ZBTB7C: variants seen among roughly 807,000 people sequenced by gnomAD.
ZBTB7C encodes the protein zinc finger and BTB domain containing 7C.
A neutral mutation model predicts 25.7 loss-of-function variants in ZBTB7C; 8 were observed. The observed-to-expected ratio is 0.31, with a 90% CI of 0.18 to 0.56. The LOEUF is 0.56. Among genes scored for constraint, ZBTB7C ranks in the 20% least tolerant of loss-of-function variants. The pLI is 0.91. For synonymous variants in ZBTB7C, 394 were observed against 369.0 expected (o/e 1.07, Z -0.78); for missense variants, 824 against 855.2 (o/e 0.96, Z 0.46).
chr18:48,293,442 T>C (rs771500443), intron 2 of ZBTB7C, among the ~76,000 whole-genome samples: 1 of 152,296 alleles, frequency 6.6e-6, no homozygotes, highest in Non-Finnish European at 1.5e-5. Flanking sequence ...ACATAAACGT[T>C]TAAACATTCA....
At chr18:48,030,273 G>A (rs1173446888) in intron 4 of ZBTB7C, among the ~76,000 whole-genome samples, 4 of 152,184 alleles carry the variant, frequency 2.6e-5, no homozygotes, top group Admixed American at 6.5e-5. Context: ...ATAGTGCAGC[G>A]ACTTCTGCTG....
intron 2 of ZBTB7C, among the ~76,000 whole-genome samples, chr18:48,233,307 C>G (rs1404086451): frequency 1.3e-5 from 2 of 152,134 alleles, no homozygotes; most frequent in African/African-American, 4.8e-5. Flanking sequence ...ATGCCAGCAC[C>G]TTGATATTGG....
chr18:48,272,143 G>A (rs978551515), intron 2 of ZBTB7C, among the ~76,000 whole-genome samples: 35 of 152,224 alleles, frequency 2.3e-4, no homozygotes, highest in African/African-American at 8.2e-4. Context: ...TGTGTCATGT[G>A]TGTCTGTAAG....
At chr18:48,187,627 C>T (rs1243362731) in intron 2 of ZBTB7C, among the ~76,000 whole-genome samples, 1 of 152,046 alleles carries the variant, frequency 6.6e-6, no homozygotes, top group Non-Finnish European at 1.5e-5. Context: ...TCCTGGCTAA[C>T]ACGGTGAAAC....
At chr18:48,325,586 A>C (rs892231570) in intron 2 of ZBTB7C, among the ~76,000 whole-genome samples, 1 of 152,218 alleles carries the variant, frequency 6.6e-6, no homozygotes, top group Non-Finnish European at 1.5e-5. Flanking sequence ...CAAAGCTTTG[A>C]TTTCACATTG....
intron 2 of ZBTB7C, among the ~76,000 whole-genome samples, chr18:48,213,305 C>T (rs985098053): frequency 1.3e-5 from 2 of 152,206 alleles, no homozygotes; most frequent in Non-Finnish European, 2.9e-5. Flanking sequence ...TGTCCGCAAA[C>T]CCTCCAGTGT....
chr18:48,265,373 A>T (rs2044281671), intron 2 of ZBTB7C, among the ~76,000 whole-genome samples: 1 of 152,234 alleles, frequency 6.6e-6, no homozygotes, highest in Non-Finnish European at 1.5e-5. Flanking sequence ...TTTCTCTGAC[A>T]ATAGTCAATA....
chr18:48,088,456 C>T (rs781018345), intron 3 of ZBTB7C: 2 of 152,126 alleles, frequency 1.3e-5, no homozygotes, highest in Non-Finnish European at 2.9e-5. Flanking sequence ...ACTGTATAAA[C>T]AAAGGAACAA....
At chr18:48,300,254 G>T (rs1222271226) in intron 2 of ZBTB7C, among the ~76,000 whole-genome samples, 1 of 152,158 alleles carries the variant, frequency 6.6e-6, no homozygotes, top group Non-Finnish European at 1.5e-5. Flanking sequence ...TGATCTGAAG[G>T]TGAAGCCAGA....
At chr18:48,097,232 G>A (rs1354800569) in intron 3 of ZBTB7C, among the ~76,000 whole-genome samples, 1 of 152,180 alleles carries the variant, frequency 6.6e-6, no homozygotes, top group African/African-American at 2.4e-5. Flanking sequence ...ATATGAATAT[G>A]GATCTTGCGT....
At chr18:48,401,784 C>A (rs1322244497) in intron 1 of ZBTB7C, among the ~76,000 whole-genome samples, 1 of 152,102 alleles carries the variant, frequency 6.6e-6, no homozygotes, top group East Asian at 1.9e-4. Flanking sequence ...CCGCCTGGGT[C>A]CCTCCTGTTT....
intron 1 of ZBTB7C, among the ~76,000 whole-genome samples, chr18:48,377,728 G>A (rs1192264101): frequency 6.6e-6 from 1 of 152,156 alleles, no homozygotes; most frequent in African/African-American, 2.4e-5. Context: ...AGTGGTAAAT[G>A]GCTCAGAAAT....
chr18:48,050,637 T>A (rs1475424957), intron 3 of ZBTB7C, among the ~76,000 whole-genome samples: 5 of 152,090 alleles, frequency 3.3e-5, no homozygotes, highest in Non-Finnish European at 5.9e-5. Context: ...CACCCCCTCC[T>A]CTTTCCCTGC....
chr18:48,137,333 A>G, intron 3 of ZBTB7C: 1 of 985,430 alleles, frequency 1.0e-6, no homozygotes, highest in Non-Finnish European at 1.2e-6. Flanking sequence ...AAGGTAAAGC[A>G]GAAATAAAGG....
intron 3 of ZBTB7C, among the ~76,000 whole-genome samples, chr18:48,157,290 T>G (rs1193247642): frequency 6.6e-6 from 1 of 152,144 alleles, no homozygotes; most frequent in Non-Finnish European, 1.5e-5. Flanking sequence ...AGGTTTGGCT[T>G]GGGGTTGAAC....
At chr18:48,236,925 CAG>C (rs1423881036) in intron 2 of ZBTB7C, among the ~76,000 whole-genome samples, 2 of 152,204 alleles carry the variant, frequency 1.3e-5, no homozygotes, top group East Asian at 3.9e-4. Context: ...AAAAACCAAA[CAG>C]GGGATCATGG....
intron 3 of ZBTB7C, among the ~76,000 whole-genome samples, chr18:48,159,468 C>A (rs1213317593): frequency 6.6e-6 from 1 of 152,142 alleles, no homozygotes; most frequent in Non-Finnish European, 1.5e-5. Context: ...TGCTTCTGGT[C>A]AAAATTCATC....
intron 2 of ZBTB7C, among the ~76,000 whole-genome samples, chr18:48,299,766 G>C (rs2144733941): frequency 6.6e-6 from 1 of 152,376 alleles, no homozygotes; most frequent in African/African-American, 2.4e-5. Context: ...TGTGGGGAGA[G>C]AGAGTTCACG....
At chr18:48,121,302 C>T (rs769301714) in intron 3 of ZBTB7C, among the ~76,000 whole-genome samples, 1 of 152,164 alleles carries the variant, frequency 6.6e-6, no homozygotes, top group Non-Finnish European at 1.5e-5. Context: ...TAGCTTGTGT[C>T]CCTCCACTGT....
Sources: allele counts gnomAD v4.1 joint callset (sites outside exome capture counted in the v4.1 genomes callset), GRCh38; gene constraint gnomAD v4.1.1; transcripts MANE v1.5; gene names NCBI Gene and HGNC (gene_info 2026-07-23, HGNC 2026-07-21).